PTPRO: variants seen among roughly 807,000 people sequenced by gnomAD.
PTPRO encodes protein tyrosine phosphatase receptor type O, also known as receptor-type tyrosine-protein phosphatase O.
A neutral mutation model predicts 145.2 loss-of-function variants in PTPRO; 62 were observed. The observed-to-expected ratio is 0.43, with a 90% CI of 0.35 to 0.53. The LOEUF is 0.53. Ranked by LOEUF, PTPRO falls within the 20% of genes least tolerant of loss-of-function variation. The probability of loss-of-function intolerance (pLI) is 0.01; values close to 1 mark genes in which losing one functional copy is unlikely to be tolerated. For synonymous variants in PTPRO, 565 were observed against 514.7 expected, an observed-to-expected ratio of 1.10 and a Z score of -1.32; for missense variants, 1,345 against 1,482.7, an observed-to-expected ratio of 0.91 and a Z score of 1.53.
intron 9 of PTPRO, chr12:15,517,203 G>A: frequency 1.8e-6 from 1 of 554,036 alleles, no homozygotes; most frequent in Non-Finnish European, 3.2e-6. Context: ...AGAAGGCAAG[G>A]AGGAGCAAGT....
intron 1 of PTPRO, among the ~76,000 whole-genome samples, chr12:15,441,374 A>G (rs780412969): frequency 6.6e-6 from 1 of 152,234 alleles, no homozygotes; most frequent in Non-Finnish European, 1.5e-5. Context: ...AGGAAAGTTT[A>G]TAGTGCTAAA....
intron 2 of PTPRO, among the ~76,000 whole-genome samples, chr12:15,490,656 G>A (rs973508232): frequency 3.3e-5 from 5 of 152,146 alleles, no homozygotes; most frequent in Non-Finnish European, 5.9e-5. Flanking sequence ...GGGATAATTA[G>A]AGTGCCTACT....
At chr12:15,512,585 A>G (rs1206698342) in intron 7 of PTPRO, among the ~76,000 whole-genome samples, 8 of 152,202 alleles carry the variant, frequency 5.3e-5, no homozygotes, top group Non-Finnish European at 1.2e-4. Context: ...TGGGTGAGCA[A>G]TTTTTACAAT....
chr12:15,357,211 A>G (rs1325642999), intron 1 of PTPRO, among the ~76,000 whole-genome samples: 2 of 152,320 alleles, frequency 1.3e-5, no homozygotes, highest in African/African-American at 4.8e-5. Context: ...CTCCATCTCT[A>G]ATTACTGCAT....
intron 12 of PTPRO, among the ~76,000 whole-genome samples, chr12:15,534,168 G>T (rs950349743): frequency 6.6e-6 from 1 of 152,090 alleles, no homozygotes; most frequent in African/African-American, 2.4e-5. Flanking sequence ...TGTGGTGACA[G>T]GTCCCTTTGA....
Position 15,597,091 on chromosome 12 carries a change from T to G in PTPRO, c.*1018T>G, listed in dbSNP as rs1249209652. The G allele has an allele frequency of 6.5e-6, 1 of 152,672 alleles. No individual in the cohort carries two copies. The highest frequency in any genetic ancestry group is 1.5e-5 in the Non-Finnish European group (1 of 68,044). The allele number at this position is 152,672 out of a possible 1,614,324, so 9.5% of individuals were successfully genotyped here. On this transcript the variant is annotated 3_prime_UTR_variant, in exon 27 of 27. Coordinates refer to ENST00000281171, the MANE Select transcript of PTPRO (RefSeq NM_030667.3). The stretch of plus-strand genomic sequence containing the variant: ...CTGGGACAATTATTTGACTACTTTT[T>G]TTTGTAATATTGTCAAATGTCTCTA...
chr12:15,502,672 C>T (rs1861593), intron 5 of PTPRO, among the ~76,000 whole-genome samples: 1 of 152,148 alleles, frequency 6.6e-6, no homozygotes, highest in East Asian at 1.9e-4. Flanking sequence ...ACTAACTCAG[C>T]ATCTGAGGTT....
intron 14 of PTPRO, among the ~76,000 whole-genome samples, chr12:15,549,582 C>T (rs1943398930): frequency 6.6e-6 from 1 of 152,134 alleles, no homozygotes; most frequent in Non-Finnish European, 1.5e-5. Flanking sequence ...ATCTATTTAG[C>T]CTTGGTCTTC....
At chr12:15,468,486 C>T (rs1269465904) in intron 1 of PTPRO, among the ~76,000 whole-genome samples, 1 of 152,130 alleles carries the variant, frequency 6.6e-6, no homozygotes, top group Non-Finnish European at 1.5e-5. Context: ...ATTCACTGTC[C>T]TTAGGTCCTG....
At chr12:15,411,747 C>G (rs1279073521) in intron 1 of PTPRO, among the ~76,000 whole-genome samples, 1 of 152,224 alleles carries the variant, frequency 6.6e-6, no homozygotes, top group Non-Finnish European at 1.5e-5. Flanking sequence ...AGAAATACAA[C>G]CTACTTAGAA....
At chr12:15,408,376 G>A (rs572892100) in intron 1 of PTPRO, among the ~76,000 whole-genome samples, 9 of 152,096 alleles carry the variant, frequency 5.9e-5, no homozygotes, top group East Asian at 1.9e-4. Context: ...TCTTTATGTC[G>A]TGTTGAGAAA....
At chr12:15,563,100 T>C (rs1943815255) in intron 17 of PTPRO, among the ~76,000 whole-genome samples, 1 of 152,156 alleles carries the variant, frequency 6.6e-6, no homozygotes, top group South Asian at 2.1e-4. Flanking sequence ...GTCATAACCA[T>C]GGCTAATTTA....
chr12:15,459,885 T>C lies in PTPRO; in HGVS notation c.76-24089T>C, dbSNP rs1455827586. On this transcript the variant is annotated intron_variant, in intron 1 of 26. Transcript: ENST00000281171. ...GCTGGTAAGAGGATTTGAACTCAGG[T>C]ACCCAAAGCAGAGTGTAGTGCTCCT... Among the ~76,000 whole-genome samples, 4 of 152,184 alleles carry C rather than the reference T, an allele frequency of 2.6e-5. 1 individual carries two copies. Among genetic ancestry groups the C allele is most frequent in the African/African-American group, 9.6e-5 (4 of 41,460 alleles).
chr12:15,453,542 A>G (rs974512458), intron 1 of PTPRO, among the ~76,000 whole-genome samples: 3 of 152,218 alleles, frequency 2.0e-5, no homozygotes, highest in African/African-American at 7.2e-5. Flanking sequence ...ACACTTTTCT[A>G]TAGCAAGCAT....
intron 2 of PTPRO, among the ~76,000 whole-genome samples, chr12:15,493,137 A>G (rs1262835242): frequency 1.3e-5 from 2 of 152,218 alleles, no homozygotes; most frequent in African/African-American, 4.8e-5. Context: ...TGACTATTCT[A>G]CTGACAGAAG....
At chr12:15,348,628 T>C (rs1263462667) in intron 1 of PTPRO, 2 of 151,676 alleles carry the variant, frequency 1.3e-5, no homozygotes, top group African/African-American at 2.4e-5. Flanking sequence ...CTACTAAAAA[T>C]ACAAAAAAAT....
intron 1 of PTPRO, among the ~76,000 whole-genome samples, chr12:15,354,157 C>G (rs942403147): frequency 6.6e-6 from 1 of 152,116 alleles, no homozygotes; most frequent in African/African-American, 2.4e-5. Context: ...TTTTTCTACA[C>G]AAATTGATGT....
intron 1 of PTPRO, among the ~76,000 whole-genome samples, chr12:15,329,998 A>G (rs767241538): frequency 6.6e-6 from 1 of 152,254 alleles, no homozygotes; most frequent in Non-Finnish European, 1.5e-5. Context: ...GCAGATATAT[A>G]TCAAAGGCAA....
chr12:15,515,514 C>T lies in PTPRO; in HGVS notation c.1481C>T (p.Pro494Leu). 2 of 1,613,820 alleles carry T rather than the reference C, an allele frequency of 1.2e-6. No homozygotes were observed. The highest frequency in any genetic ancestry group is 1.7e-6 in the Non-Finnish European group (2 of 1,179,884). Reference protein sequence around the residue: ...QYCTQVNSSKPIIENLVPGAQ... With the variant: ...QYCTQVNSSKLIIENLVPGAQ... Reference sequence around the variant, plus strand: ...GGTTTAAAGGTGAACTCAAGCAAACCTATTATTGAAAATCTGGTTCCTGGT... The same window carrying T: ...GGTTTAAAGGTGAACTCAAGCAAACTTATTATTGAAAATCTGGTTCCTGGT... The change falls in exon 8 of 27, where the codon CCT becomes CTT. Residue 494 changes from proline to leucine, a missense_variant. By Grantham distance (98) the Pro-to-Leu change is moderately conservative (BLOSUM62 -3). Coordinates refer to ENST00000281171, the MANE Select transcript of PTPRO (RefSeq NM_030667.3).
Sources: gnomAD v4.1 joint callset for allele counts (sites outside exome capture counted in the v4.1 genomes callset) on GRCh38, gnomAD v4.1.1 for gene constraint, MANE v1.5 for transcripts, NCBI Gene and HGNC (gene_info 2026-07-23, HGNC 2026-07-21) for gene names.